Variants in PITPNB observed in about 807,000 individuals in gnomAD.
PITPNB encodes phosphatidylinositol transfer protein beta isoform.
PITPNB carries 16 observed loss-of-function variants against 45.9 expected under a neutral mutation model. The observed-to-expected ratio is 0.35, with a 90% confidence interval of 0.24 to 0.53. PITPNB has a LOEUF of 0.53. Among genes scored for constraint, PITPNB ranks in the 20% least tolerant of loss-of-function variants. The pLI, the probability that PITPNB is intolerant of heterozygous loss-of-function variation, is 0.93. For missense variants in PITPNB, 188 were observed against 330.5 expected, an observed-to-expected ratio of 0.57 and a Z score of 3.34; for synonymous variants, 112 against 108.9, an observed-to-expected ratio of 1.03 and a Z score of -0.18.
At chr22:27,907,284 T>A (rs936644992) in intron 3 of PITPNB, among the ~76,000 whole-genome samples, 2 of 152,218 alleles carry the variant, frequency 1.3e-5, no homozygotes, top group Non-Finnish European at 2.9e-5. Context: ...TAGGCTTGCC[T>A]TGGGATGGAG....
At chr22:27,900,060 G>A (rs1184659845) in intron 3 of PITPNB, among the ~76,000 whole-genome samples, 4 of 152,088 alleles carry the variant, frequency 2.6e-5, no homozygotes, top group East Asian at 1.9e-4. Flanking sequence ...AAAATTAGCC[G>A]GGCATGGTGG....
intron 7 of PITPNB, among the ~76,000 whole-genome samples, chr22:27,885,212 TAAAAAAAAAAAAAAAA>T (rs71194746): frequency 1.9e-3 from 56 of 30,222 alleles, no homozygotes; most frequent in East Asian, 0.012. Context: ...AATTTATACC[TAAAAAAAAAAAAAAAA>T]AAAAAAAAAA....
At chr22:27,861,587 T>C (rs1367878705) in intron 8 of PITPNB, among the ~76,000 whole-genome samples, 1 of 152,134 alleles carries the variant, frequency 6.6e-6, no homozygotes, top group East Asian at 1.9e-4. Context: ...TTCACAGCAG[T>C]GAGCAAACAC....
chr22:27,882,397 T>C (rs1216147678), intron 7 of PITPNB, among the ~76,000 whole-genome samples: 1 of 152,144 alleles, frequency 6.6e-6, no homozygotes, highest in Non-Finnish European at 1.5e-5. Flanking sequence ...CAACTGAAAT[T>C]TCAAAAAACA....
rs569940434 is a variant in PITPNB, at chr22:27,871,289, TAGG to T, written c.534+2446_534+2448del. On this transcript the variant is annotated intron_variant, in intron 8 of 11. Coordinates refer to ENST00000335272, the MANE Select transcript of PITPNB (RefSeq NM_012399.5). Reference sequence around the variant, plus strand: ...CCTGTTATAAAATCAGGAGTTCCTATAGGAAGGATCTGAGCCCAAACATAAAGC... The same window carrying T: ...CCTGTTATAAAATCAGGAGTTCCTATAAGGATCTGAGCCCAAACATAAAGC... 1.7e-4 allele frequency among the ~76,000 whole-genome samples: 26 copies of T among 152,334 alleles called. No homozygotes were observed. In the South Asian group the frequency reaches 5.4e-3, roughly 32 times the overall value.
intron 11 of PITPNB, among the ~76,000 whole-genome samples, chr22:27,854,611 G>A (rs976220324): frequency 6.6e-4 from 101 of 152,322 alleles, no homozygotes; most frequent in African/African-American, 2.3e-3. Flanking sequence ...ACAGCACCTG[G>A]CAGCTGGGTT....
chr22:27,864,208 C>A (rs949107828), intron 8 of PITPNB, among the ~76,000 whole-genome samples: 2 of 152,136 alleles, frequency 1.3e-5, no homozygotes, highest in Non-Finnish European at 2.9e-5. Flanking sequence ...TAAAAGTTCT[C>A]ATACAATTCT....
At chr22:27,913,489 G>A (rs1206303610) in intron 2 of PITPNB, among the ~76,000 whole-genome samples, 1 of 152,192 alleles carries the variant, frequency 6.6e-6, no homozygotes, top group African/African-American at 2.4e-5. Context: ...TTTCTCAGAA[G>A]CTGTTTCTGC....
chr22:27,917,028 G>A (rs1301385582), intron 1 of PITPNB, among the ~76,000 whole-genome samples: 1 of 152,058 alleles, frequency 6.6e-6, no homozygotes, highest in African/African-American at 2.4e-5. Context: ...CATTACTTAA[G>A]AAACAGCTTC....
At chr22:27,914,877 A>C (rs1438005275) in intron 1 of PITPNB, among the ~76,000 whole-genome samples, 1 of 152,162 alleles carries the variant, frequency 6.6e-6, no homozygotes, top group Non-Finnish European at 1.5e-5. Context: ...AGAATTAGTA[A>C]GAAAAATTTT....
At chr22:27,856,077 C>G (rs1298452494) in intron 10 of PITPNB, among the ~76,000 whole-genome samples, 1 of 152,140 alleles carries the variant, frequency 6.6e-6, no homozygotes, top group Non-Finnish European at 1.5e-5. Context: ...TCCCCAATGA[C>G]CTACAGCAAA....
chr22:27,875,633 C>T (rs555797397), intron 7 of PITPNB, among the ~76,000 whole-genome samples: 1 of 151,398 alleles, frequency 6.6e-6, no homozygotes, highest in South Asian at 2.1e-4. Context: ...AAAGCAAGCT[C>T]ATTTTCTTTT....
At chr22:27,905,017 T>C (rs1283619290) in intron 3 of PITPNB, among the ~76,000 whole-genome samples, 2 of 152,352 alleles carry the variant, frequency 1.3e-5, no homozygotes, top group South Asian at 2.1e-4. Flanking sequence ...ACAGGATCAC[T>C]CTTGATTTGG....
At chr22:27,913,106 A>G (rs1044879920) in intron 2 of PITPNB, among the ~76,000 whole-genome samples, 1 of 152,208 alleles carries the variant, frequency 6.6e-6, no homozygotes, top group African/African-American at 2.4e-5. Flanking sequence ...CTGAAATCAA[A>G]AGAAAAAGTC....
intron 3 of PITPNB, among the ~76,000 whole-genome samples, chr22:27,900,750 G>A (rs1402124098): frequency 6.6e-6 from 1 of 152,098 alleles, no homozygotes; most frequent in Non-Finnish European, 1.5e-5. Context: ...GTTCAAGTGT[G>A]CCAGGTATAT....
intron 2 of PITPNB, among the ~76,000 whole-genome samples, chr22:27,911,384 C>T (rs1569036035): frequency 1.3e-5 from 2 of 152,162 alleles, no homozygotes; most frequent in South Asian, 2.1e-4. Flanking sequence ...TTACACTACC[C>T]ATTTATCAAG....
chr22:27,911,602 G>C (rs534128163), intron 2 of PITPNB, among the ~76,000 whole-genome samples: 23 of 152,250 alleles, frequency 1.5e-4, no homozygotes, highest in African/African-American at 5.3e-4. Context: ...AATAACAAAA[G>C]CCTGGAGATC....
chr22:27,866,528 C>T (rs188156815), intron 8 of PITPNB, among the ~76,000 whole-genome samples: 87 of 152,200 alleles, frequency 5.7e-4, no homozygotes, highest in African/African-American at 2.0e-3. Flanking sequence ...TATAAACAAA[C>T]GTAAAAGAGA....
intron 10 of PITPNB, among the ~76,000 whole-genome samples, chr22:27,855,870 A>T (rs1482623015): frequency 2.0e-5 from 3 of 152,238 alleles, no homozygotes; most frequent in Non-Finnish European, 4.4e-5. Context: ...GTCAGGGGTC[A>T]GGACCTCAAG....
Sources: gnomAD v4.1 joint callset for allele counts (sites outside exome capture counted in the v4.1 genomes callset) on GRCh38, gnomAD v4.1.1 for gene constraint, MANE v1.5 for transcripts, NCBI Gene and HGNC (gene_info 2026-07-23, HGNC 2026-07-21) for gene names.